Variants in SORCS3 observed in about 807,000 individuals in gnomAD.
SORCS3 encodes VPS10 domain-containing receptor SorCS3.
A neutral mutation model predicts 146.3 loss-of-function variants in SORCS3; 57 were observed. The ratio of observed to expected loss-of-function variants is 0.39; its 90% CI spans 0.31 to 0.49. The LOEUF (loss-of-function observed/expected upper bound fraction) is 0.49, where lower values mean the gene tolerates loss of function less well. Among genes scored for constraint, SORCS3 ranks in the 20% least tolerant of loss-of-function variants. SORCS3 has a pLI of 0.92. For missense variants in SORCS3, 1,341 were observed against 1,575.5 expected, an observed-to-expected ratio of 0.85 and a Z score of 2.52; for synonymous variants, 653 against 618.5, an observed-to-expected ratio of 1.06 and a Z score of -0.83.
chr10:104,813,087 C>T (rs1272163413), intron 1 of SORCS3, among the ~76,000 whole-genome samples: 1 of 152,146 alleles, frequency 6.6e-6, no homozygotes. Context: ...ATTTTTTCAA[C>T]TTCATCTCAG....
chr10:104,686,513 A>G (rs1363108065), intron 1 of SORCS3, among the ~76,000 whole-genome samples: 1 of 152,154 alleles, frequency 6.6e-6, no homozygotes, highest in Non-Finnish European at 1.5e-5. Context: ...GCAGAGATGA[A>G]AAGCCAGGTC....
At chr10:104,923,692 C>A (rs2019110417) in intron 3 of SORCS3, among the ~76,000 whole-genome samples, 1 of 152,160 alleles carries the variant, frequency 6.6e-6, no homozygotes, top group African/African-American at 2.4e-5. Context: ...CTCTGCTGTA[C>A]CACACTCCCT....
chr10:104,684,790 T>G (rs961024918), intron 1 of SORCS3, among the ~76,000 whole-genome samples: 2 of 4,912 alleles, frequency 4.1e-4, no homozygotes, highest in African/African-American at 6.1e-4. Flanking sequence ...TTTTTTTTTT[T>G]TTTTTTTTTT....
chr10:104,988,758 A>T (rs933199749), intron 4 of SORCS3, among the ~76,000 whole-genome samples: 1 of 152,232 alleles, frequency 6.6e-6, no homozygotes, highest in Non-Finnish European at 1.5e-5. Flanking sequence ...ACTAAAACAG[A>T]TATAGTGTTT....
At chr10:105,066,605 T>C (rs1811855185) in intron 5 of SORCS3, among the ~76,000 whole-genome samples, 1 of 152,164 alleles carries the variant, frequency 6.6e-6, no homozygotes, top group Non-Finnish European at 1.5e-5. Flanking sequence ...ACCCTCAGCA[T>C]GTCATGTCAT....
chr10:105,186,932 A>G (rs1413921160), intron 14 of SORCS3, among the ~76,000 whole-genome samples: 1 of 150,834 alleles, frequency 6.6e-6, no homozygotes, highest in Non-Finnish European at 1.5e-5. Flanking sequence ...TCTAAATCCC[A>G]TCTCAAATAT....
intron 20 of SORCS3, among the ~76,000 whole-genome samples, chr10:105,242,534 A>ATATATT (rs2056835313): frequency 1.1e-5 from 1 of 89,318 alleles, no homozygotes; most frequent in African/African-American, 4.6e-5. Flanking sequence ...ATATATATTT[A>ATATATT]TATATATTTA....
intron 3 of SORCS3, among the ~76,000 whole-genome samples, chr10:104,952,391 G>A (rs926382415): frequency 2.0e-5 from 3 of 150,966 alleles, no homozygotes; most frequent in Admixed American, 6.6e-5. Context: ...ACTTCTAAGC[G>A]TGTTAGAAGT....
At chr10:105,168,104 G>C (rs887238904) in intron 13 of SORCS3, among the ~76,000 whole-genome samples, 6 of 151,846 alleles carry the variant, frequency 4.0e-5, no homozygotes, top group African/African-American at 1.4e-4. Context: ...AGCAATAAAG[G>C]AGGTTTTTCA....
At chr10:104,935,998 A>G (rs1434398064) in intron 3 of SORCS3, among the ~76,000 whole-genome samples, 2 of 152,156 alleles carry the variant, frequency 1.3e-5, no homozygotes, top group East Asian at 1.9e-4. Context: ...TGTGTCCTAG[A>G]AAGTCCCTTG....
intron 6 of SORCS3, among the ~76,000 whole-genome samples, chr10:105,098,637 A>G (rs142898145): frequency 9.8e-5 from 15 of 152,318 alleles, no homozygotes; most frequent in African/African-American, 2.9e-4. Flanking sequence ...TTCCTCTGCT[A>G]TAACAGGGAA....
At chr10:105,244,203 G>A (rs146417381) in intron 20 of SORCS3, among the ~76,000 whole-genome samples, 521 of 152,074 alleles carry the variant, frequency 3.4e-3, no homozygotes, top group African/African-American at 0.012. Flanking sequence ...TCATCAGACT[G>A]AAGATCTGTA....
chr10:104,822,991 G>A (rs1282851141), intron 1 of SORCS3, among the ~76,000 whole-genome samples: 1 of 152,160 alleles, frequency 6.6e-6, no homozygotes, highest in African/African-American at 2.4e-5. Context: ...GGAAGTACAT[G>A]CATTCTGGGC....
intron 5 of SORCS3, among the ~76,000 whole-genome samples, chr10:105,061,439 C>G (rs1193237998): frequency 6.6e-6 from 1 of 151,640 alleles, no homozygotes. Flanking sequence ...AGACTACAGG[C>G]GCCTGCCACC....
chr10:105,111,937 C>T (rs980361437), intron 7 of SORCS3, among the ~76,000 whole-genome samples: 1 of 152,156 alleles, frequency 6.6e-6, no homozygotes, highest in African/African-American at 2.4e-5. Context: ...GTACCAGGAC[C>T]TCTTATATAA....
At chr10:104,951,534 A>T (rs1337078586) in intron 3 of SORCS3, among the ~76,000 whole-genome samples, 2 of 151,880 alleles carry the variant, frequency 1.3e-5, no homozygotes, top group Non-Finnish European at 2.9e-5. Flanking sequence ...TTTAGAGATG[A>T]GGGTCTCGCT....
chr10:104,947,048 A>C (rs897492365), intron 3 of SORCS3, among the ~76,000 whole-genome samples: 1 of 152,158 alleles, frequency 6.6e-6, no homozygotes, highest in Non-Finnish European at 1.5e-5. Flanking sequence ...TTGAGAGAGT[A>C]GATGGCAGCT....
intron 1 of SORCS3, among the ~76,000 whole-genome samples, chr10:104,839,697 G>A (rs746217612): frequency 1.6e-4 from 25 of 152,174 alleles, no homozygotes; most frequent in Admixed American, 3.3e-4. Flanking sequence ...TACCATGAAG[G>A]CAGAAGTAAT....
chr10:104,693,036 G>A (rs1177046164), intron 1 of SORCS3, among the ~76,000 whole-genome samples: 3 of 152,160 alleles, frequency 2.0e-5, no homozygotes, highest in Admixed American at 2.0e-4. Flanking sequence ...TCTACCCCAG[G>A]GGCATTCCTC....
Sources: allele counts gnomAD v4.1 joint callset (sites outside exome capture counted in the v4.1 genomes callset), GRCh38; gene constraint gnomAD v4.1.1; transcripts MANE v1.5; gene names NCBI Gene and HGNC (gene_info 2026-07-23, HGNC 2026-07-21).